CACNB2: variants seen among roughly 807,000 people sequenced by gnomAD.
The protein encoded by CACNB2 is calcium voltage-gated channel auxiliary subunit beta 2, also known as voltage-dependent L-type calcium channel subunit beta-2.
CACNB2 carries 42 observed loss-of-function variants against 73.3 expected under a neutral mutation model. The ratio of observed to expected loss-of-function variants is 0.57; its 90% CI spans 0.45 to 0.74. CACNB2 has a LOEUF of 0.74. Ranked by LOEUF, CACNB2 falls within the 30% of genes least tolerant of loss-of-function variation. CACNB2 has a pLI of 0.00. For synonymous variants in CACNB2, 348 were observed against 310.3 expected (o/e 1.12, Z -1.28); for missense variants, 940 against 853.0 (o/e 1.10, Z -1.27).
chr10:18,170,978 C>T (rs188388736), intron 2 of CACNB2, among the ~76,000 whole-genome samples: 173 of 152,190 alleles, frequency 1.1e-3, no homozygotes, highest in Non-Finnish European at 1.9e-3. Flanking sequence ...ATTCATTTAC[C>T]GCCTTGCAAG....
chr10:18,498,266 T>C lies in CACNB2; in HGVS notation c.334-89T>C, dbSNP rs11014511. On this transcript the variant is annotated intron_variant, in intron 3 of 13. Coordinates refer to ENST00000324631, the MANE Select transcript of CACNB2 (RefSeq NM_201596.3). ...GGGAAACCAACAATGATTACAGTAG[T>C]TATTCAGTATGTCTTTGTGTTTGAG... 171,443 of 1,471,114 alleles carry C rather than the reference T, an allele frequency of 0.12. 10,561 individuals carry two copies. The highest frequency in any genetic ancestry group is 0.17 in the Admixed American group (9,436 of 54,740). 91.1% of individuals were successfully genotyped at this position (1,471,114 alleles called of 1,614,324 possible). A position where few individuals can be genotyped will look rare whatever the true frequency, so the allele number is the denominator to read the frequency against.
At chr10:18,195,445 G>A (rs1207156193) in intron 2 of CACNB2, among the ~76,000 whole-genome samples, 3 of 152,138 alleles carry the variant, frequency 2.0e-5, no homozygotes, top group African/African-American at 4.8e-5. Flanking sequence ...CCAATCAGGC[G>A]AGATCCCAGT....
At chr10:18,140,926 C>A in intron 1 of CACNB2, 70 bp downstream of exon 1, 1 of 1,543,902 alleles carries the variant, frequency 6.5e-7, no homozygotes, top group Non-Finnish European at 8.7e-7. Flanking sequence ...CGGGTTCTCC[C>A]GGCGCCTCCA....
At chr10:18,147,716 A>T (rs1476815351) in intron 1 of CACNB2, among the ~76,000 whole-genome samples, 1 of 149,552 alleles carries the variant, frequency 6.7e-6, no homozygotes, top group Admixed American at 6.7e-5. Context: ...AATTACATAT[A>T]TTTTTTTTTT....
chr10:18,447,985 G>A (rs1358816965), intron 3 of CACNB2, among the ~76,000 whole-genome samples: 2 of 152,084 alleles, frequency 1.3e-5, no homozygotes, highest in Non-Finnish European at 2.9e-5. Flanking sequence ...GAGAGGGAAA[G>A]ACACTTTCTT....
chr10:18,233,049 C>T (rs1170091855), intron 2 of CACNB2, among the ~76,000 whole-genome samples: 1 of 152,198 alleles, frequency 6.6e-6, no homozygotes. Context: ...CGCACCACTG[C>T]ACTCCAGCCT....
intron 2 of CACNB2, among the ~76,000 whole-genome samples, chr10:18,286,136 C>T (rs982672712): frequency 3.3e-5 from 5 of 152,132 alleles, no homozygotes; most frequent in Non-Finnish European, 5.9e-5. Flanking sequence ...CATTTTGTAA[C>T]ATTTTAGCAT....
At chr10:18,503,889 G>A (rs2050345488) in intron 5 of CACNB2, among the ~76,000 whole-genome samples, 1 of 152,006 alleles carries the variant, frequency 6.6e-6, no homozygotes, top group African/African-American at 2.4e-5. Flanking sequence ...TGGTGGAATG[G>A]GAATTTTTTT....
chr10:18,365,922 G>T (rs2042326693), intron 2 of CACNB2, among the ~76,000 whole-genome samples: 1 of 152,210 alleles, frequency 6.6e-6, no homozygotes, highest in South Asian at 2.1e-4. Flanking sequence ...AATTTGGCCT[G>T]TGGAGGGTAG....
intron 3 of CACNB2, among the ~76,000 whole-genome samples, chr10:18,489,080 G>A (rs985407927): frequency 2.6e-5 from 4 of 152,168 alleles, no homozygotes; most frequent in Admixed American, 6.5e-5. Flanking sequence ...TTGGGAGGCC[G>A]AGGTGGGCGG....
intron 2 of CACNB2, chr10:18,261,050 A>AC: frequency 8.0e-7 from 1 of 1,247,490 alleles, no homozygotes; most frequent in South Asian, 1.6e-5. Context: ...TACGCCCCCC[A>AC]CCCCCAAAAA....
rs533718028 is a variant in CACNB2, at chr10:18,246,522, A to C, written c.213+95547A>C. On this transcript the variant is annotated intron_variant, in intron 2 of 13. Transcript: ENST00000324631. ...ATTTCTTCAATGGGGGTTGAAATGC[A>C]TTATCTCAGAAGCCTAATGGTACCA... 1.9e-4 allele frequency among the ~76,000 whole-genome samples: 29 copies of C among 152,216 alleles called. No individual in the cohort carries two copies. The South Asian group carries it at 5.8e-3, about 30-fold the overall frequency.
At chr10:18,204,905 C>G (rs1446121927) in intron 2 of CACNB2, among the ~76,000 whole-genome samples, 2 of 148,880 alleles carry the variant, frequency 1.3e-5, no homozygotes, top group Non-Finnish European at 3.0e-5. Flanking sequence ...ATTTTAATGC[C>G]ACAAATATTT....
chr10:18,404,845 C>T (rs1304943600), intron 3 of CACNB2, among the ~76,000 whole-genome samples: 1 of 152,222 alleles, frequency 6.6e-6, no homozygotes, highest in East Asian at 1.9e-4. Flanking sequence ...ACCTATTACT[C>T]TCCACTACCA....
chr10:18,271,635 G>C (rs575338815), intron 2 of CACNB2, among the ~76,000 whole-genome samples: 1 of 151,956 alleles, frequency 6.6e-6, no homozygotes, highest in Non-Finnish European at 1.5e-5. Flanking sequence ...TCCTTCTCCC[G>C]GTGGCAGCAC....
intron 3 of CACNB2, among the ~76,000 whole-genome samples, chr10:18,412,551 T>C (rs549514610): frequency 6.6e-6 from 1 of 152,232 alleles, no homozygotes; most frequent in African/African-American, 2.4e-5. Flanking sequence ...AGTGACTTCC[T>C]AATCACAAAG....
chr10:18,221,914 T>G (rs892185040), intron 2 of CACNB2, among the ~76,000 whole-genome samples: 3 of 152,204 alleles, frequency 2.0e-5, no homozygotes, highest in African/African-American at 7.2e-5. Flanking sequence ...ATTGGCCCAA[T>G]TGGTATTGAG....
At chr10:18,271,872 G>T (rs998905754) in intron 2 of CACNB2, among the ~76,000 whole-genome samples, 1 of 151,764 alleles carries the variant, frequency 6.6e-6, no homozygotes, top group Non-Finnish European at 1.5e-5. Flanking sequence ...TTGCACTTTT[G>T]TGATGAGCAG....
At position 18,401,916 on chromosome 10, in the gene CACNB2, C is replaced by T. The variant is rs1369229727; in HGVS notation, c.214-8C>T. 1 of 1,613,836 alleles carries T rather than the reference C, an allele frequency of 6.2e-7. No individual in the cohort carries two copies. The highest frequency in any genetic ancestry group is 1.3e-5 in the African/African-American group (1 of 75,048). ...AATCTACTTTAAAATGTACATTTTC[C>T]TCTCCAGGGTTCGGCAGACTCCTAC... is the stretch of plus-strand genomic sequence containing the variant. On this transcript the variant is annotated splice_region_variant and splice_polypyrimidine_tract_variant and intron_variant, in intron 2 of 13. Transcript: ENST00000324631.
Sources: gnomAD v4.1 joint callset for allele counts (sites outside exome capture counted in the v4.1 genomes callset) on GRCh38, gnomAD v4.1.1 for gene constraint, MANE v1.5 for transcripts, NCBI Gene and HGNC (gene_info 2026-07-23, HGNC 2026-07-21) for gene names.